Variants in WWC1 observed in about 807,000 individuals in gnomAD.
WWC1 encodes WW and C2 domain containing 1, also known as protein KIBRA.
A neutral mutation model predicts 138.4 loss-of-function variants in WWC1; 55 were observed. That is an observed-to-expected ratio of 0.40 (90% CI 0.32 to 0.50). WWC1 has a LOEUF of 0.50. WWC1 is among the 20% of genes least tolerant of loss of function. The pLI is 0.72. For synonymous variants in WWC1, 524 were observed against 564.9 expected, an observed-to-expected ratio of 0.93 and a Z score of 1.03; for missense variants, 1,226 against 1,420.4, an observed-to-expected ratio of 0.86 and a Z score of 2.20.
At chr5:168,326,216 CTTTTT>C (rs796347858) in intron 1 of WWC1, among the ~76,000 whole-genome samples, 3 of 113,284 alleles carry the variant, frequency 2.6e-5, no homozygotes, top group Non-Finnish European at 5.3e-5. Flanking sequence ...ACCTGATAGT[CTTTTT>C]TTTTTTTTTT....
chr5:168,363,744 A>G (rs939860882), intron 1 of WWC1, among the ~76,000 whole-genome samples: 1 of 152,094 alleles, frequency 6.6e-6, no homozygotes, highest in African/African-American at 2.4e-5. Context: ...GCCCATTTTA[A>G]CGCAGCGGTG....
intron 15 of WWC1, among the ~76,000 whole-genome samples, chr5:168,431,851 C>T (rs892254548): frequency 6.6e-6 from 1 of 152,120 alleles, no homozygotes; most frequent in Admixed American, 6.6e-5. Context: ...CAGAGGATCA[C>T]TCAAGTGCAG....
chr5:168,455,157 G>T (rs549684788), intron 18 of WWC1, among the ~76,000 whole-genome samples, 199 bp from the exon 19 acceptor site: 18 of 152,314 alleles, frequency 1.2e-4, no homozygotes, highest in African/African-American at 4.1e-4. Flanking sequence ...AGGGGTAGGG[G>T]TCGGCACACC....
chr5:168,310,652 T>C (rs1205412598), intron 1 of WWC1, among the ~76,000 whole-genome samples: 1 of 151,868 alleles, frequency 6.6e-6, no homozygotes, highest in South Asian at 2.1e-4. Context: ...CTGGGCAACA[T>C]AGGGAGACCT....
At chr5:168,464,161 T>C (rs1403400016) in intron 20 of WWC1, among the ~76,000 whole-genome samples, 1 of 152,028 alleles carries the variant, frequency 6.6e-6, no homozygotes, top group African/African-American at 2.4e-5. Context: ...ACTCTAAGGC[T>C]GGGGAAACAA....
intron 1 of WWC1, among the ~76,000 whole-genome samples, chr5:168,313,360 A>G (rs897414257): frequency 4.6e-5 from 7 of 151,782 alleles, no homozygotes; most frequent in Non-Finnish European, 1.0e-4. Flanking sequence ...GGAGGCCGAG[A>G]TGGGTGGGTC....
At chr5:168,311,079 G>C (rs1442799162) in intron 1 of WWC1, among the ~76,000 whole-genome samples, 1 of 152,012 alleles carries the variant, frequency 6.6e-6, no homozygotes, top group Non-Finnish European at 1.5e-5. Context: ...AGCCTACCTG[G>C]GTTGGTGTCA....
chr5:168,326,937 T>C (rs1325598491), intron 1 of WWC1, among the ~76,000 whole-genome samples: 1 of 152,272 alleles, frequency 6.6e-6, no homozygotes, highest in Non-Finnish European at 1.5e-5. Flanking sequence ...GGGACAGAGC[T>C]GCTGAGAGCC....
At chr5:168,296,148 G>A (rs1042586542) in intron 1 of WWC1, among the ~76,000 whole-genome samples, 1 of 152,196 alleles carries the variant, frequency 6.6e-6, no homozygotes, top group Non-Finnish European at 1.5e-5. Flanking sequence ...GATTGTTCTC[G>A]GAGGAAGAAT....
chr5:168,308,980 A>G (rs1186051091), intron 1 of WWC1, among the ~76,000 whole-genome samples: 2 of 151,934 alleles, frequency 1.3e-5, no homozygotes, highest in Non-Finnish European at 2.9e-5. Context: ...AGAGTCCCAC[A>G]TCCACTGCCT....
chr5:168,397,335 A>G (rs919838192), intron 3 of WWC1, among the ~76,000 whole-genome samples: 5 of 151,522 alleles, frequency 3.3e-5, no homozygotes, highest in Admixed American at 2.0e-4. Flanking sequence ...CAGAGGCGGG[A>G]TTTCCCCATG....
intron 1 of WWC1, among the ~76,000 whole-genome samples, chr5:168,300,919 C>T (rs1275557583): frequency 6.6e-6 from 1 of 152,210 alleles, no homozygotes; most frequent in Non-Finnish European, 1.5e-5. Flanking sequence ...GCCTTCCAGT[C>T]CTACATCTGT....
intron 2 of WWC1, among the ~76,000 whole-genome samples, chr5:168,380,702 G>A (rs1777562921): frequency 6.6e-6 from 1 of 152,118 alleles, no homozygotes; most frequent in African/African-American, 2.4e-5. Context: ...GTGAAAACAT[G>A]CCCACACGAA....
intron 17 of WWC1, among the ~76,000 whole-genome samples, chr5:168,446,531 A>G (rs1755283118): frequency 6.6e-6 from 1 of 152,246 alleles, no homozygotes; most frequent in African/African-American, 2.4e-5. Flanking sequence ...TGTAAAATAC[A>G]TGCAGAAAAT....
chr5:168,428,865 T>G, intron 13 of WWC1, 78 bp downstream of exon 13: 1 of 1,510,204 alleles, frequency 6.6e-7, no homozygotes, highest in Non-Finnish European at 9.2e-7. Context: ...TCCCCAGCAT[T>G]TACCTTCACA....
At chr5:168,457,526 C>G (rs948422755) in intron 19 of WWC1, among the ~76,000 whole-genome samples, 1 of 152,076 alleles carries the variant, frequency 6.6e-6, no homozygotes, top group African/African-American at 2.4e-5. Flanking sequence ...TTTTTCATTG[C>G]AAGCAATGGA....
intron 8 of WWC1, 182 bp from the exon 9 acceptor site, chr5:168,414,166 G>T: frequency 2.5e-6 from 2 of 792,936 alleles, no homozygotes; most frequent in South Asian, 3.7e-5. Context: ...TTCATTGTTG[G>T]CACATGGTAG....
Position 168,391,760 on chromosome 5 carries a change from C to CATATATATATAT in WWC1, c.434-5941_434-5930dup, listed in dbSNP as rs70976481. Among the ~76,000 whole-genome samples the CATATATATATAT allele has an allele frequency of 5.7e-4, 63 of 110,562 alleles. 1 individual carries two copies. The highest frequency in any genetic ancestry group is 6.9e-4 in the African/African-American group (20 of 28,994). 72.5% of individuals were successfully genotyped at this position (110,562 alleles called of 152,430 possible). A position where few individuals can be genotyped will look rare whatever the true frequency, so the allele number is the denominator to read the frequency against. ...TATCAGATAAAATATATTTTTAAGGCATATATATATATATATATATATATA... is the reference window on the plus strand; with the variant it reads ...TATCAGATAAAATATATTTTTAAGGCATATATATATATATATATATATATATATATATATATA... On this transcript the variant is annotated intron_variant, in intron 3 of 22. Coordinates refer to ENST00000265293, the MANE Select transcript of WWC1 (RefSeq NM_015238.3).
At chr5:168,337,688 A>G (rs13155901) in intron 1 of WWC1, among the ~76,000 whole-genome samples, 72,200 of 152,086 alleles carry the variant, frequency 0.47, 17,839 homozygotes, top group Middle Eastern at 0.6. Context: ...TAAGGGAGAC[A>G]GAAATTCAAT....
Sources: allele counts gnomAD v4.1 joint callset (sites outside exome capture counted in the v4.1 genomes callset), GRCh38; gene constraint gnomAD v4.1.1; transcripts MANE v1.5; gene names NCBI Gene and HGNC (gene_info 2026-07-23, HGNC 2026-07-21).